RNPEPL1: variants seen among roughly 807,000 people sequenced by gnomAD.
The protein encoded by RNPEPL1 is arginyl aminopeptidase like 1, also known as aminopeptidase RNPEPL1.
RNPEPL1 carries 46 observed loss-of-function variants against 69.0 expected under a neutral mutation model. The ratio of observed to expected loss-of-function variants is 0.67; its 90% CI spans 0.53 to 0.85. The LOEUF is 0.85. Among genes scored for constraint, RNPEPL1 ranks in the 40% least tolerant of loss-of-function variants. The probability of loss-of-function intolerance (pLI) is 0.00; values close to 1 mark genes in which losing one functional copy is unlikely to be tolerated. For missense variants in RNPEPL1, 869 were observed against 992.5 expected, an observed-to-expected ratio of 0.88 and a Z score of 1.67; for synonymous variants, 525 against 454.1, an observed-to-expected ratio of 1.16 and a Z score of -1.98.
chr2:240,573,150 G>C lies in RNPEPL1; in HGVS notation c.710G>C (p.Ser237Thr). 1.2e-6 allele frequency: 2 copies of C among 1,610,264 alleles called. No homozygotes were observed. The highest frequency in any genetic ancestry group is 1.7e-6 in the Non-Finnish European group (2 of 1,179,078). Residue 237 changes from serine (S) to threonine (T), a missense_variant, in exon 3 of 11, where the codon AGT becomes ACT. This residue lies in a region of RNPEPL1 where 610 missense variants were observed against 790.9 expected (regional missense o/e 0.77). Transcript: ENST00000270357. ...CAGGTGCTGATGAGTGCCACCCGGA[G>C]TGCATACATGGAGGAAGAAGGCGTC... ...GVQVLMSATR[S>T]AYMEEEGVFH...
At position 240,578,009 on chromosome 2, in the gene RNPEPL1, C is replaced by G; in HGVS notation, c.*117C>G. ...ATGAGCTCTGCCCAGGCCCACAAGC[C>G]CCTCCCCTGGGCTCTCCCAGGCAGG... On this transcript the variant is annotated 3_prime_UTR_variant, in exon 11 of 11. Coordinates refer to ENST00000270357, the MANE Select transcript of RNPEPL1 (RefSeq NM_018226.6). 3 of 1,085,570 alleles carry G rather than the reference C, an allele frequency of 2.8e-6. No homozygotes were observed. Among genetic ancestry groups the G allele is most frequent in the Non-Finnish European group, 3.7e-6 (3 of 800,152 alleles). 67.2% of individuals were successfully genotyped at this position (1,085,570 alleles called of 1,614,324 possible).
chr2:240,573,969 T>C (rs1054234161), intron 4 of RNPEPL1, 78 bp downstream of exon 4: 3 of 1,407,152 alleles, frequency 2.1e-6, no homozygotes, highest in Non-Finnish European at 2.0e-6. Context: ...ACCCCTGGGG[T>C]GTCCTGTCCC....
Position 240,573,158 on chromosome 2 carries a change from A to G in RNPEPL1, c.718A>G (p.Met240Val), listed in dbSNP as rs780245956. ...VLMSATRSAY[M>V]EEEGVFHFHM... ...GATGAGTGCCACCCGGAGTGCATAC[A>G]TGGAGGAAGAAGGCGTCTTCCACTT... The change falls in exon 3 of 11, where the codon ATG becomes GTG. Residue 240 changes from methionine to valine, a missense_variant. Coordinates refer to ENST00000270357, the MANE Select transcript of RNPEPL1 (RefSeq NM_018226.6). The G allele has an allele frequency of 3.1e-6, 5 of 1,609,852 alleles. No homozygotes were observed. The highest frequency in any genetic ancestry group is 1.1e-5 in the South Asian group (1 of 90,148).
rs529398686 is a variant in RNPEPL1, at chr2:240,579,747, T to A, written c.*1855T>A. 6.6e-6 allele frequency: 1 copy of A among 152,236 alleles called. No homozygotes were observed. The highest frequency in any genetic ancestry group is 1.5e-5 in the Non-Finnish European group (1 of 68,050). 9.4% of individuals were successfully genotyped at this position (152,236 alleles called of 1,614,324 possible). A position where few individuals can be genotyped will look rare whatever the true frequency, so the allele number is the denominator to read the frequency against. ...TGTTTCTTAACCATGCTTGATGGTG[T>A]CCTCAAAGGAGCCCTGCTCAGTGGC... is the stretch of plus-strand genomic sequence containing the variant. On this transcript the variant is annotated 3_prime_UTR_variant, in exon 11 of 11. Coordinates refer to ENST00000270357, the MANE Select transcript of RNPEPL1 (RefSeq NM_018226.6).
rs747835241 is a variant in RNPEPL1, at chr2:240,574,591, C to G, written c.1251C>G (p.Asp417Glu). 2 of 1,612,810 alleles carry G rather than the reference C, an allele frequency of 1.2e-6. No homozygotes were observed. Among genetic ancestry groups the G allele is most frequent in the African/African-American group, 2.7e-5 (2 of 74,924 alleles). The change falls in exon 6 of 11, where the codon GAC becomes GAG. Residue 417 changes from aspartate (D) to glutamate (E), a missense_variant. Asp to Glu is a conservative substitution (Grantham distance 45). Coordinates refer to ENST00000270357, the MANE Select transcript of RNPEPL1 (RefSeq NM_018226.6). ...LHRQMKLLGE[D>E]SPVSKLQVKL... ...GGCAGATGAAGCTTCTGGGAGAGGA[C>G]AGCCCGGTCAGCAAACTGCAGGTCA...
At position 240,575,461 on chromosome 2, in the gene RNPEPL1, CA is replaced by C. The variant is rs781352034; in HGVS notation, c.1402-40del. ...GCCTCTGGTGGGGCTGCCTGTGCCC[CA>C]CCCTTCCAGGCCTGCTGAGGCCCCA... On this transcript the variant is annotated intron_variant, in intron 7 of 10. Coordinates refer to ENST00000270357, the MANE Select transcript of RNPEPL1 (RefSeq NM_018226.6). 9 of 1,561,426 alleles carry C rather than the reference CA, an allele frequency of 5.8e-6. No individual in the cohort carries two copies. The South Asian group carries it at 6.7e-5, about 12-fold the overall frequency.
chr2:240,569,449 A>AT (rs1403091320), intron 1 of RNPEPL1, among the ~76,000 whole-genome samples: 1 of 152,234 alleles, frequency 6.6e-6, no homozygotes, highest in Non-Finnish European at 1.5e-5. Flanking sequence ...CAGCTGCGGA[A>AT]GGGCCTCCAT....
chr2:240,571,461 A>T (rs1271234461), intron 1 of RNPEPL1, among the ~76,000 whole-genome samples: 1 of 152,176 alleles, frequency 6.6e-6, no homozygotes, highest in Non-Finnish European at 1.5e-5. Context: ...TACGACGTGC[A>T]GGGCTGACTT....
chr2:240,578,109 C>T lies in RNPEPL1; in HGVS notation c.*217C>T. ...GGCCTCCCCACTCCCAGCTCTCTTG[C>T]ACTGCAGGCCCTGGGGCCAGCCCGC... On this transcript the variant is annotated 3_prime_UTR_variant, in exon 11 of 11. Transcript: ENST00000270357. 1 of 457,468 alleles carries T rather than the reference C, an allele frequency of 2.2e-6. No homozygotes were observed. Among genetic ancestry groups the T allele is most frequent in the Non-Finnish European group, 3.8e-6 (1 of 260,224 alleles). 28.3% of individuals were successfully genotyped at this position (457,468 alleles called of 1,614,324 possible).
chr2:240,571,841 G>A (rs1008724322), intron 1 of RNPEPL1, among the ~76,000 whole-genome samples: 3 of 152,008 alleles, frequency 2.0e-5, no homozygotes, highest in Admixed American at 6.5e-5. Context: ...CTCTGGCCTG[G>A]CCTCCACTCC....
chr2:240,577,450 A>T (rs766709592), intron 10 of RNPEPL1, 149 bp from the exon 11 acceptor site: 1 of 831,796 alleles, frequency 1.2e-6, no homozygotes, highest in Non-Finnish European at 1.8e-6. Flanking sequence ...GGCTAATGGT[A>T]GGCCTCCTGG....
intron 1 of RNPEPL1, among the ~76,000 whole-genome samples, chr2:240,570,202 G>A (rs1414127753): frequency 6.6e-6 from 1 of 152,204 alleles, no homozygotes; most frequent in African/African-American, 2.4e-5. Flanking sequence ...TGTCTGGTCC[G>A]CCCAACACTG....
chr2:240,572,343 T>C (rs1350370468), intron 1 of RNPEPL1, 80 bp from the exon 2 acceptor site: 2 of 1,475,380 alleles, frequency 1.4e-6, no homozygotes, highest in Admixed American at 4.2e-5. Flanking sequence ...CCTCCTGCCT[T>C]CTCTCAGGCT....
intron 10 of RNPEPL1, among the ~76,000 whole-genome samples, chr2:240,577,364 A>G (rs1385227151): frequency 5.3e-5 from 8 of 152,142 alleles, no homozygotes; most frequent in Admixed American, 4.6e-4. Flanking sequence ...TGCTCCCTGT[A>G]TGTGCTCCCT....
At chr2:240,576,189 C>A in intron 8 of RNPEPL1, 1 of 389,760 alleles carries the variant, frequency 2.6e-6, no homozygotes, top group Non-Finnish European at 4.7e-6. Context: ...GAGCCTGTTG[C>A]CCCCATCCCG....
At chr2:240,574,885 C>A in intron 6 of RNPEPL1, 145 bp from the exon 7 acceptor site, 1 of 727,864 alleles carries the variant, frequency 1.4e-6, no homozygotes, top group South Asian at 1.6e-5. Context: ...CCGCTGCACG[C>A]CCAGGGCATC....
At chr2:240,569,152 C>T in intron 1 of RNPEPL1, 38 bp downstream of exon 1, 1 of 1,403,952 alleles carries the variant, frequency 7.1e-7, no homozygotes. Context: ...CGGGCCGGTC[C>T]GCAGGGCGCT....
rs147045614 is a variant in RNPEPL1, at chr2:240,576,912, C to T, written c.1806C>T (p.Arg602=). The change falls in exon 10 of 11, where the codon CGC becomes CGT. Residue 602 remains arginine, a synonymous_variant. Coordinates refer to ENST00000270357, the MANE Select transcript of RNPEPL1 (RefSeq NM_018226.6). ...TGGACTCGATGAACGCTGAGATCCG[C>T]ATCCGCTGGCTGCAGATTGTGGTCC... ...SLLDSMNAEI[R]IRWLQIVVRN... is the part of the protein sequence containing the mutation. The T allele has an allele frequency of 9.9e-6, 16 of 1,613,404 alleles. No individual in the cohort carries two copies. The African/African-American group carries it at 2.0e-4, about 20-fold the overall frequency.
At chr2:240,572,878 G>T (rs2093025925) in intron 2 of RNPEPL1, among the ~76,000 whole-genome samples, 1 of 152,212 alleles carries the variant, frequency 6.6e-6, no homozygotes, top group Non-Finnish European at 1.5e-5. Context: ...TGGGTCACCG[G>T]GCCCGAACTT....
Sources: allele counts gnomAD v4.1 joint callset (sites outside exome capture counted in the v4.1 genomes callset), GRCh38; gene constraint gnomAD v4.1.1; regional missense constraint gnomAD v4.1.1; transcripts MANE v1.5; gene names NCBI Gene and HGNC (gene_info 2026-07-23, HGNC 2026-07-21).